PPP2R3A: variants seen among roughly 807,000 people sequenced by gnomAD.
The protein encoded by PPP2R3A is protein phosphatase 2 regulatory subunit B''alpha, also known as serine/threonine-protein phosphatase 2A regulatory subunit B'' subunit alpha.
PPP2R3A carries 80 observed loss-of-function variants against 106.9 expected under a neutral mutation model. The observed-to-expected ratio is 0.75, with a 90% CI of 0.62 to 0.90. PPP2R3A has a LOEUF of 0.90. PPP2R3A is among the 40% of genes least tolerant of loss of function. The pLI, the probability that PPP2R3A is intolerant of heterozygous loss-of-function variation, is 0.00. For missense variants in PPP2R3A, 1,386 were observed against 1,350.4 expected (o/e 1.03, Z -0.41); for synonymous variants, 483 against 468.3 (o/e 1.03, Z -0.41).
chr3:136,050,280 TA>T (rs1233129668), intron 5 of PPP2R3A, among the ~76,000 whole-genome samples: 2 of 152,296 alleles, frequency 1.3e-5, no homozygotes, highest in East Asian at 1.9e-4. Flanking sequence ...ATTATACATG[TA>T]AAAAAAGGAT....
chr3:136,108,736 AC>A (rs1250327173), intron 13 of PPP2R3A, among the ~76,000 whole-genome samples: 1 of 152,040 alleles, frequency 6.6e-6, no homozygotes, highest in Non-Finnish European at 1.5e-5. Context: ...AAGTCACCAG[AC>A]AACTGGTAAA....
At chr3:136,033,609 T>C (rs1253784099) in intron 3 of PPP2R3A, among the ~76,000 whole-genome samples, 1 of 152,230 alleles carries the variant, frequency 6.6e-6, no homozygotes, top group Non-Finnish European at 1.5e-5. Context: ...TGATTTAAGC[T>C]AGAAGGGTTG....
At chr3:136,025,294 A>G (rs1354313697) in intron 2 of PPP2R3A, among the ~76,000 whole-genome samples, 4 of 152,152 alleles carry the variant, frequency 2.6e-5, no homozygotes, top group Non-Finnish European at 5.9e-5. Flanking sequence ...GTAGTAAGCC[A>G]TCAGTGTTTT....
chr3:136,099,852 C>G (rs1203647306), intron 10 of PPP2R3A, among the ~76,000 whole-genome samples: 1 of 150,198 alleles, frequency 6.7e-6, no homozygotes, highest in Non-Finnish European at 1.5e-5. Context: ...TTCAGATGCT[C>G]AAAAGGCCAC....
chr3:136,026,601 AT>A (rs1055067142), intron 2 of PPP2R3A, among the ~76,000 whole-genome samples: 1 of 152,068 alleles, frequency 6.6e-6, no homozygotes, highest in Non-Finnish European at 1.5e-5. Flanking sequence ...AAACCTATGT[AT>A]TTTTTTAAAC....
intron 5 of PPP2R3A, among the ~76,000 whole-genome samples, chr3:136,051,549 C>T (rs1052587115): frequency 7.9e-5 from 12 of 152,116 alleles, no homozygotes; most frequent in African/African-American, 1.7e-4. Flanking sequence ...AGGTTGGTCT[C>T]GAACTCCTGA....
chr3:136,078,440 G>A lies in PPP2R3A; in HGVS notation c.2618G>A (p.Ser873Asn), dbSNP rs1466711164. The A allele has an allele frequency of 4.4e-6, 7 of 1,592,206 alleles. No homozygotes were observed. The highest frequency in any genetic ancestry group is 3.4e-5 in the Admixed American group (2 of 59,590). ...GKITSTEIRK[S>N]NFLQTLALLE... Reference sequence around the variant, plus strand: ...ATTACTTCGACAGAGATAAGAAAAAGCAACTTTTTGCAAGTATGCCTTTCA... The same window carrying A: ...ATTACTTCGACAGAGATAAGAAAAAACAACTTTTTGCAAGTATGCCTTTCA... Residue 873 changes from serine (S) to asparagine (N), a missense_variant, in exon 7 of 14, where the codon AGC (serine) becomes AAC (asparagine). By Grantham distance (46) the Ser-to-Asn change is conservative. Coordinates refer to ENST00000264977, the MANE Select transcript of PPP2R3A (RefSeq NM_002718.5).
chr3:135,967,444 T>C (rs928497097), intron 1 of PPP2R3A, among the ~76,000 whole-genome samples: 2 of 152,208 alleles, frequency 1.3e-5, no homozygotes, highest in East Asian at 3.8e-4. Context: ...CCTATCTGAC[T>C]TTATCTTGGG....
rs767157716 is a variant in PPP2R3A, at chr3:136,070,506, C to T, written c.2498C>T (p.Thr833Met). Reference protein sequence around the residue: ...QDVVDTHPGLTFLKDAPEFHS... With the variant: ...QDVVDTHPGLMFLKDAPEFHS... The stretch of plus-strand genomic sequence containing the variant: ...GTGGTGGATACCCACCCTGGTCTCA[C>T]GTTCCTGAAAGATGCTCCAGAATTC... The change falls in exon 6 of 14, where the codon ACG becomes ATG. Residue 833 changes from threonine to methionine, a missense_variant. By Grantham distance (81) the Thr-to-Met change is moderately conservative (BLOSUM62 -1). Transcript: ENST00000264977. 1.2e-5 allele frequency: 20 copies of T among 1,609,742 alleles called. No homozygotes were observed. Among genetic ancestry groups the T allele is most frequent in the East Asian group, 6.8e-5 (3 of 44,400 alleles).
intron 5 of PPP2R3A, among the ~76,000 whole-genome samples, chr3:136,052,892 C>T (rs907068391): frequency 3.3e-5 from 5 of 152,204 alleles, no homozygotes; most frequent in Middle Eastern, 3.4e-3. Context: ...AATAAATCCA[C>T]GGAAGCCAAT....
intron 1 of PPP2R3A, among the ~76,000 whole-genome samples, chr3:135,995,788 A>G (rs534874488): frequency 1.3e-5 from 2 of 152,134 alleles, no homozygotes; most frequent in Non-Finnish European, 2.9e-5. Context: ...GATATTTTTA[A>G]CTATATATCA....
intron 11 of PPP2R3A, 138 bp downstream of exon 11, chr3:136,102,320 T>C: frequency 1.2e-6 from 1 of 813,848 alleles, no homozygotes; most frequent in South Asian, 2.2e-5. Flanking sequence ...TTAAAGTTTC[T>C]CCTTGACTAT....
chr3:136,144,245 A>G (rs1398312048), intron 13 of PPP2R3A, among the ~76,000 whole-genome samples: 4 of 152,216 alleles, frequency 2.6e-5, no homozygotes, highest in Admixed American at 2.6e-4. Context: ...TAGAGACCTA[A>G]AAAGTAGAAT....
At chr3:136,126,606 G>A (rs532439097) in intron 13 of PPP2R3A, among the ~76,000 whole-genome samples, 8 of 152,316 alleles carry the variant, frequency 5.3e-5, no homozygotes, top group East Asian at 3.9e-4. Context: ...AGACTTAAAC[G>A]TCCCTGTCTG....
At chr3:136,118,184 A>G (rs187254436) in intron 13 of PPP2R3A, among the ~76,000 whole-genome samples, 2 of 152,362 alleles carry the variant, frequency 1.3e-5, no homozygotes, top group African/African-American at 2.4e-5. Flanking sequence ...ACAGCCCTTC[A>G]TGCTAAATGC....
intron 5 of PPP2R3A, among the ~76,000 whole-genome samples, chr3:136,059,770 A>G (rs1187028793): frequency 6.6e-6 from 1 of 152,174 alleles, no homozygotes; most frequent in Non-Finnish European, 1.5e-5. Flanking sequence ...AAAATGTGAT[A>G]TATATACCCT....
chr3:135,990,723 G>C (rs1441547696), intron 1 of PPP2R3A, among the ~76,000 whole-genome samples: 3 of 152,120 alleles, frequency 2.0e-5, no homozygotes, highest in African/African-American at 7.2e-5. Flanking sequence ...TTAAGCCCCT[G>C]AGCTGCCTTC....
chr3:135,984,636 T>A (rs1018683976), intron 1 of PPP2R3A, among the ~76,000 whole-genome samples: 3 of 152,162 alleles, frequency 2.0e-5, no homozygotes, highest in African/African-American at 7.2e-5. Context: ...CTTTGCTTCC[T>A]CTGTTTCCTG....
rs34566151 is a variant in PPP2R3A at position 136,087,245 on chromosome 3, G to GTCTCTCTCTCTCTCTCTCTC, written c.2789-603_2789-584dup. On this transcript the variant is annotated intron_variant, in intron 8 of 13. Transcript: ENST00000264977. ...AATGAAAGAACAGGTCTCTAGTCGT[G>GTCTCTCTCTCTCTCTCTCTC]TCTCTCTCTCTCTCTCTCTCTCTCT... 9.5e-4 allele frequency among the ~76,000 whole-genome samples: 71 copies of GTCTCTCTCTCTCTCTCTCTC among 75,124 alleles called. 2 individuals are homozygous for GTCTCTCTCTCTCTCTCTCTC. Among genetic ancestry groups the GTCTCTCTCTCTCTCTCTCTC allele is most frequent in the East Asian group, 1.7e-3 (3 of 1,774 alleles). The allele number at this position is 75,124 out of a possible 152,430, so 49.3% of individuals were successfully genotyped here. A position where few individuals can be genotyped will look rare whatever the true frequency, so the allele number is the denominator to read the frequency against.
Sources: gnomAD v4.1 joint callset for allele counts (sites outside exome capture counted in the v4.1 genomes callset) on GRCh38, gnomAD v4.1.1 for gene constraint, MANE v1.5 for transcripts, NCBI Gene and HGNC (gene_info 2026-07-23, HGNC 2026-07-21) for gene names.